The following SHKBP1 variants were observed in gnomAD, a reference collection of about 807,000 sequenced individuals.
SHKBP1 encodes SH3KBP1 binding protein 1.
Under a neutral mutation model 83.9 loss-of-function variants are expected in SHKBP1, and 71 were observed. The observed-to-expected ratio is 0.85, with a 90% confidence interval of 0.70 to 1.03. The LOEUF is 1.03. SHKBP1 is among the 50% of genes least tolerant of loss of function. The pLI, the probability that SHKBP1 is intolerant of heterozygous loss-of-function variation, is 0.00. For missense variants in SHKBP1, 824 were observed against 982.4 expected, an observed-to-expected ratio of 0.84 and a Z score of 2.16; for synonymous variants, 371 against 398.0, an observed-to-expected ratio of 0.93 and a Z score of 0.81.
In SHKBP1 at chr19:40,590,327, C is replaced by T. The variant is rs2081347872; in HGVS notation, c.1673C>T (p.Ser558Phe). Residue 558 changes from serine to phenylalanine, a missense_variant, in exon 16 of 18, where the codon TCT becomes TTT. Around this residue, in one of 3 missense-constraint regions of SHKBP1, gnomAD observed 287 missense variants for 322.9 expected, o/e 0.89. Coordinates refer to ENST00000291842, the MANE Select transcript of SHKBP1 (RefSeq NM_138392.4). The surrounding 1 kb of genome is among the most constrained non-coding windows in gnomAD (Gnocchi z 4.6). ...LECEGSRRLG[S>F]RPRRYLLTGQ... ...TGCGAGGGCTCCCGGCGGCTCGGCT[C>T]TCGGCCCCGGCGCTACCTGCTCACT... is the stretch of plus-strand genomic sequence containing the variant. The T allele has an allele frequency of 6.2e-7, 1 of 1,610,738 alleles. No individual in the cohort carries two copies. Among genetic ancestry groups the T allele is most frequent in the East Asian group, 2.2e-5 (1 of 44,772 alleles).
chr19:40,583,248 G>A, intron 10 of SHKBP1, 150 bp from the exon 11 acceptor site: 3 of 618,730 alleles, frequency 4.8e-6, no homozygotes, highest in Non-Finnish European at 8.5e-6. Context: ...GAACAAGACA[G>A]GGACAAAGGC....
At chr19:40,579,422 G>A (rs1005035972) in intron 6 of SHKBP1, among the ~76,000 whole-genome samples, 1 of 152,148 alleles carries the variant, frequency 6.6e-6, no homozygotes, top group Admixed American at 6.5e-5. Context: ...TAGCAGTTTG[G>A]AGGCCGAGAC....
At chr19:40,585,034 C>G (rs2081300088) in intron 12 of SHKBP1, among the ~76,000 whole-genome samples, 1 of 152,098 alleles carries the variant, frequency 6.6e-6, no homozygotes, top group Admixed American at 6.6e-5. Context: ...AGAAGATTTA[C>G]AGTTTAGTTT....
chr19:40,583,574 C>G, intron 11 of SHKBP1, 27 bp from the exon 12 acceptor site: 2 of 1,611,466 alleles, frequency 1.2e-6, no homozygotes, highest in Non-Finnish European at 1.7e-6. Flanking sequence ...TGGAACAAAC[C>G]CGCTCCACCC....
chr19:40,577,772 T>G, intron 4 of SHKBP1, 142 bp downstream of exon 4: 1 of 1,043,948 alleles, frequency 9.6e-7, no homozygotes, highest in Non-Finnish European at 1.4e-6. Flanking sequence ...CGCGCCGGGA[T>G]TGCTCACGCC....
intron 9 of SHKBP1, among the ~76,000 whole-genome samples, chr19:40,581,853 T>C (rs421739): frequency 0.31 from 47,363 of 151,862 alleles, 7,570 homozygotes; most frequent in African/African-American, 0.36. Context: ...TTCCAGACCG[T>C]TTTAGAATCC....
intron 12 of SHKBP1, among the ~76,000 whole-genome samples, chr19:40,584,905 A>G (rs2081299159): frequency 6.6e-6 from 1 of 152,082 alleles, no homozygotes; most frequent in Non-Finnish European, 1.5e-5. Flanking sequence ...CATACATTAT[A>G]TGGTCTTTTG....
intron 4 of SHKBP1, 79 bp downstream of exon 4, chr19:40,577,709 C>T (rs1054949825): frequency 2.7e-6 from 4 of 1,475,444 alleles, no homozygotes; most frequent in South Asian, 2.3e-5. Flanking sequence ...TGAATGTCCA[C>T]GTGAGCTCCA....
At chr19:40,578,623 C>A in intron 6 of SHKBP1, 81 bp downstream of exon 6, 1 of 1,271,254 alleles carries the variant, frequency 7.9e-7, no homozygotes, top group Non-Finnish European at 1.1e-6. Context: ...TCTCGGGTGC[C>A]TGTGCTGTGC....
chr19:40,587,560 C>T (rs957029508), intron 13 of SHKBP1, among the ~76,000 whole-genome samples: 5 of 152,078 alleles, frequency 3.3e-5, no homozygotes, highest in African/African-American at 4.8e-5. Context: ...TACTGCACTC[C>T]AGCCTAGGCA....
In SHKBP1 at chr19:40,590,278, A is replaced by G. The variant is rs1388402981; in HGVS notation, c.1624A>G (p.Thr542Ala). Residue 542 changes from threonine to alanine, a missense_variant, in exon 16 of 18, where the codon ACG becomes GCG. Around this residue, in one of 3 missense-constraint regions of SHKBP1, gnomAD observed 287 missense variants for 322.9 expected, o/e 0.89. Coordinates refer to ENST00000291842, the MANE Select transcript of SHKBP1 (RefSeq NM_138392.4). The surrounding 1 kb of genome is among the most constrained non-coding windows in gnomAD (Gnocchi z 4.6). ...CGTGCGCTCCGTGGACGGCTCACCC[A>G]CGACAGCCTTCACAGTGCTGGAGTG... ...CSVRSVDGSP[T>A]TAFTVLECEG... 11 of 1,605,622 alleles carry G rather than the reference A, an allele frequency of 6.9e-6. No individual in the cohort carries two copies. Among genetic ancestry groups the G allele is most frequent in the Non-Finnish European group, 8.5e-6 (10 of 1,176,978 alleles).
rs398162 is a variant in SHKBP1, at chr19:40,586,655, C to T, written c.1166-119C>T. On this transcript the variant is annotated intron_variant, in intron 12 of 17. Coordinates refer to ENST00000291842, the MANE Select transcript of SHKBP1 (RefSeq NM_138392.4). ...GTGATGGGATTACGGCGTGAGCCACCGTGCCCGGCCTCTCCTTGCTTTCTG... is the reference window on the plus strand; with the variant it reads ...GTGATGGGATTACGGCGTGAGCCACTGTGCCCGGCCTCTCCTTGCTTTCTG... 1,554 of 1,046,058 alleles carry T rather than the reference C, an allele frequency of 1.5e-3. 11 individuals carry two copies. In the African/African-American group the frequency reaches 0.021, roughly 14 times the overall value. 64.8% of individuals were successfully genotyped at this position (1,046,058 alleles called of 1,614,324 possible).
intron 12 of SHKBP1, 23 bp from the exon 13 acceptor site, chr19:40,586,748 TCTC>T: frequency 6.6e-7 from 1 of 1,523,834 alleles, no homozygotes; most frequent in Middle Eastern, 1.8e-4. Context: ...GCCCAGGCCC[TCTC>T]CTCATCCTTG....
At chr19:40,586,646 G>C (rs1352240376) in intron 12 of SHKBP1, 128 bp from the exon 13 acceptor site, 5 of 947,384 alleles carry the variant, frequency 5.3e-6, no homozygotes, top group Non-Finnish European at 7.2e-6. Context: ...GGATTACGGC[G>C]TGAGCCACCG....
At chr19:40,588,449 C>G (rs1411796298) in intron 13 of SHKBP1, among the ~76,000 whole-genome samples, 175 bp from the exon 14 acceptor site, 1 of 152,170 alleles carries the variant, frequency 6.6e-6, no homozygotes, top group African/African-American at 2.4e-5. Flanking sequence ...GTTTTGGAGG[C>G]AGAGGCAACA....
In SHKBP1 at chr19:40,590,595, A is replaced by C. The variant is rs1049343126; in HGVS notation, c.1769-135A>C. ...GCCCTTGTTTTTCAACCCCTGTCTC[A>C]GCCTCTGGCCCCCATGCATTGATCT... On this transcript the variant is annotated intron_variant, in intron 16 of 17. Coordinates refer to ENST00000291842, the MANE Select transcript of SHKBP1 (RefSeq NM_138392.4). This position sits in a 1 kb window ranked among gnomAD's most constrained non-coding sequence, Gnocchi z 4.6. 6 of 1,319,134 alleles carry C rather than the reference A, an allele frequency of 4.5e-6. No homozygotes were observed. The African/African-American group carries it at 9.0e-5, about 20-fold the overall frequency. 81.7% of individuals were successfully genotyped at this position (1,319,134 alleles called of 1,614,324 possible).
intron 4 of SHKBP1, 49 bp downstream of exon 4, chr19:40,577,679 A>G: frequency 6.3e-7 from 1 of 1,594,816 alleles, no homozygotes; most frequent in Non-Finnish European, 8.6e-7. Flanking sequence ...TCAGTCCCTG[A>G]GGAGTTCTTT....
rs1240324909 is a variant in SHKBP1, at chr19:40,582,371, C to T, written c.865C>T (p.Pro289Ser). ...TGCAGGGGTCTTTCATCTGGGGGTGCCTGTGGAGGCCTTGTTCTTCGTCGG... is the reference window on the plus strand; with the variant it reads ...TGCAGGGGTCTTTCATCTGGGGGTGTCTGTGGAGGCCTTGTTCTTCGTCGG... ...SEIGVFHLGV[P>S]VEALFFVGNQ... Residue 289 changes from proline to serine, a missense_variant, in exon 10 of 18, where the codon CCT (proline) becomes TCT (serine). Transcript: ENST00000291842. The T allele has an allele frequency of 6.2e-7, 1 of 1,613,974 alleles. No homozygotes were observed. The highest frequency in any genetic ancestry group is 2.2e-5 in the East Asian group (1 of 44,896).
chr19:40,578,089 C>A lies in SHKBP1; in HGVS notation c.261-65C>A, dbSNP rs572541987. The A allele has an allele frequency of 3.0e-6, 4 of 1,340,440 alleles. No homozygotes were observed. In the East Asian group the frequency reaches 9.2e-5, roughly 31 times the overall value. The allele number at this position is 1,340,440 out of a possible 1,614,324, so 83.0% of individuals were successfully genotyped here. On this transcript the variant is annotated intron_variant, in intron 4 of 17. Transcript: ENST00000291842. The stretch of plus-strand genomic sequence containing the variant: ...TTCTCTGTGCAGTTTTGAAAATTAC[C>A]CTCTCAGCATTCTCTGTTCACCCCC...
Sources: gnomAD v4.1 joint callset for allele counts (sites outside exome capture counted in the v4.1 genomes callset) on GRCh38, gnomAD v4.1.1 for gene constraint, gnomAD v4.1.1 regional missense constraint, Gnocchi (gnomAD v3.1) non-coding constraint, MANE v1.5 for transcripts, NCBI Gene and HGNC (gene_info 2026-07-23, HGNC 2026-07-21) for gene names.